Variants in CSMD1 observed in about 807,000 individuals in gnomAD.
The protein encoded by CSMD1 is CUB and sushi domain-containing protein 1.
In CSMD1, 213 loss-of-function variants were observed where a neutral mutation model predicts 417.5. The observed-to-expected ratio is 0.51, with a 90% CI of 0.46 to 0.57. The LOEUF (loss-of-function observed/expected upper bound fraction) is 0.57. Ranked by LOEUF, CSMD1 falls within the 20% of genes least tolerant of loss-of-function variation. The probability of loss-of-function intolerance (pLI) is 0.00; values close to 1 mark genes in which losing one functional copy is unlikely to be tolerated. For missense variants in CSMD1, 6,923 were observed against 4,529.7 expected (o/e 1.53, Z -15.17); for synonymous variants, 2,862 against 1,736.8 (o/e 1.65, Z -16.11).
chr8:4,229,539 C>T (rs538824023), intron 3 of CSMD1, among the ~76,000 whole-genome samples: 2 of 152,256 alleles, frequency 1.3e-5, no homozygotes, highest in East Asian at 3.9e-4. Flanking sequence ...TCTTATTTCT[C>T]ACACTTACCC....
At chr8:3,427,386 TCTC>T (rs1486080740) in intron 12 of CSMD1, among the ~76,000 whole-genome samples, 1 of 152,168 alleles carries the variant, frequency 6.6e-6, no homozygotes, top group Non-Finnish European at 1.5e-5. Context: ...ATGGTCCCTG[TCTC>T]CTATTTAATA....
intron 9 of CSMD1, among the ~76,000 whole-genome samples, chr8:3,580,571 A>G (rs1293654894): frequency 6.6e-6 from 1 of 152,166 alleles, no homozygotes; most frequent in Non-Finnish European, 1.5e-5. Context: ...ATTGCCAATA[A>G]CTTAGTAAAA....
intron 5 of CSMD1, among the ~76,000 whole-genome samples, chr8:3,817,141 A>ACAT (rs1801417364): frequency 1.3e-5 from 2 of 151,182 alleles, no homozygotes; most frequent in Admixed American, 1.3e-4. Context: ...TGATGAAGGG[A>ACAT]CATGTGTTCC....
chr8:3,419,730 C>G (rs1236802656), intron 12 of CSMD1, among the ~76,000 whole-genome samples: 2 of 152,092 alleles, frequency 1.3e-5, no homozygotes, highest in African/African-American at 4.8e-5. Flanking sequence ...AAATAGCCAA[C>G]ATGTCAAGAA....
intron 18 of CSMD1, among the ~76,000 whole-genome samples, chr8:3,385,866 G>C (rs570051577): frequency 7.9e-5 from 12 of 152,126 alleles, no homozygotes; most frequent in Non-Finnish European, 1.0e-4. Flanking sequence ...GAAAATGCCA[G>C]GGCTGGGTAT....
At chr8:3,390,776 G>C (rs1421550215) in intron 17 of CSMD1, among the ~76,000 whole-genome samples, 1 of 151,912 alleles carries the variant, frequency 6.6e-6, no homozygotes, top group African/African-American at 2.4e-5. Flanking sequence ...AGGTACATTT[G>C]ATATGAGCAG....
At chr8:3,449,531 T>C (rs772094313) in intron 12 of CSMD1, among the ~76,000 whole-genome samples, 2 of 152,052 alleles carry the variant, frequency 1.3e-5, no homozygotes, top group Non-Finnish European at 2.9e-5. Context: ...TTTTTTTTTT[T>C]TTTAAGATGG....
intron 10 of CSMD1, among the ~76,000 whole-genome samples, chr8:3,520,614 A>T (rs1158795659): frequency 6.6e-6 from 1 of 152,134 alleles, no homozygotes; most frequent in Non-Finnish European, 1.5e-5. Flanking sequence ...CTGCTTGCTC[A>T]TTCACTGGCT....
intron 3 of CSMD1, among the ~76,000 whole-genome samples, chr8:4,318,456 G>T (rs897472680): frequency 1.3e-5 from 2 of 152,068 alleles, no homozygotes; most frequent in Middle Eastern, 3.4e-3. Context: ...TGAGTTAAAA[G>T]GTCATTAGCA....
intron 10 of CSMD1, among the ~76,000 whole-genome samples, chr8:3,566,400 G>T (rs1170425539): frequency 6.6e-6 from 1 of 152,074 alleles, no homozygotes; most frequent in Admixed American, 6.5e-5. Flanking sequence ...AACGGACCCA[G>T]GACATACAGC....
chr8:4,408,835 C>G (rs750889451), intron 3 of CSMD1, among the ~76,000 whole-genome samples: 1 of 152,142 alleles, frequency 6.6e-6, no homozygotes, highest in Non-Finnish European at 1.5e-5. Flanking sequence ...ACCTTTTAGA[C>G]TAACATATCC....
At chr8:4,300,823 T>C (rs1797944723) in intron 3 of CSMD1, among the ~76,000 whole-genome samples, 2 of 152,218 alleles carry the variant, frequency 1.3e-5, no homozygotes, top group South Asian at 4.1e-4. Flanking sequence ...CTGAGAATGA[T>C]GGTTTCCAGT....
intron 3 of CSMD1, among the ~76,000 whole-genome samples, chr8:4,238,056 C>A (rs183527884): frequency 6.6e-6 from 1 of 152,050 alleles, no homozygotes; most frequent in African/African-American, 2.4e-5. Context: ...GTTTTTCTAC[C>A]CTAGGAGGCC....
Position 3,219,236 on chromosome 8 carries a change from A to C in CSMD1, c.4672+19T>G. The C allele has an allele frequency of 6.4e-7, 1 of 1,568,490 alleles. No homozygotes were observed. Among genetic ancestry groups the C allele is most frequent in the Non-Finnish European group, 8.7e-7 (1 of 1,154,308 alleles). On this transcript the variant is annotated intron_variant, in intron 29 of 69. Coordinates refer to ENST00000635120, the MANE Select transcript of CSMD1 (RefSeq NM_033225.6). ...CTGATACAAATTAATTCCCACTCAA[A>C]TTCAGGCAATCGCAATACCTTTAAA...
intron 7 of CSMD1, among the ~76,000 whole-genome samples, chr8:3,691,676 T>A (rs1006353857): frequency 3.9e-5 from 6 of 152,172 alleles, no homozygotes; most frequent in Non-Finnish European, 8.8e-5. Flanking sequence ...GGCTAAGTAT[T>A]TTTTATAGCA....
intron 3 of CSMD1, among the ~76,000 whole-genome samples, chr8:4,165,681 G>A (rs1250911339): frequency 1.3e-5 from 2 of 152,150 alleles, no homozygotes; most frequent in African/African-American, 2.4e-5. Context: ...GGAATTACAG[G>A]CGTGACCCAT....
At position 3,723,946 on chromosome 8, in the gene CSMD1, T is replaced by C. The variant is rs531004873; in HGVS notation, c.932-15455A>G. 4.0e-4 allele frequency among the ~76,000 whole-genome samples: 61 copies of C among 151,434 alleles called. 3 individuals are homozygous for C. Among genetic ancestry groups the C allele is most frequent in the South Asian group, 6.3e-4 (3 of 4,782 alleles). On this transcript the variant is annotated intron_variant, in intron 6 of 69. Transcript: ENST00000635120. ...CATTTTGTAGCTAACTTTTAAGAAA[T>C]AGCCATTTGTTAAGTTTAATGTTGT...
intron 12 of CSMD1, among the ~76,000 whole-genome samples, chr8:3,421,248 T>G (rs1813470236): frequency 1.3e-5 from 2 of 152,192 alleles, no homozygotes; most frequent in South Asian, 4.1e-4. Context: ...GGTGGTGGTC[T>G]TCAGAGACTG....
At chr8:4,152,169 C>G (rs973762020) in intron 3 of CSMD1, among the ~76,000 whole-genome samples, 1 of 152,026 alleles carries the variant, frequency 6.6e-6, no homozygotes, top group African/African-American at 2.4e-5. Context: ...ATTTATAAAA[C>G]TGTAGCTAAC....
Sources: gnomAD v4.1 joint callset for allele counts (sites outside exome capture counted in the v4.1 genomes callset) on GRCh38, gnomAD v4.1.1 for gene constraint, MANE v1.5 for transcripts, NCBI Gene and HGNC (gene_info 2026-07-23, HGNC 2026-07-21) for gene names.